Variants in EPHA5 observed in about 807,000 individuals in gnomAD.
EPHA5 encodes the protein ephrin type-A receptor 5.
In EPHA5, 60 loss-of-function variants were observed where a neutral mutation model predicts 105.0. The observed-to-expected ratio is 0.57, with a 90% CI of 0.46 to 0.71. EPHA5 has a LOEUF of 0.71. Among genes scored for constraint, EPHA5 ranks in the 30% least tolerant of loss-of-function variants. The probability of loss-of-function intolerance (pLI) is 0.00; values close to 1 mark genes in which losing one functional copy is unlikely to be tolerated. For synonymous variants in EPHA5, 513 were observed against 449.1 expected (o/e 1.14, Z -1.80); for missense variants, 1,218 against 1,274.7 (o/e 0.96, Z 0.68).
At chr4:65,387,743 T>C (rs1185256773) in intron 8 of EPHA5, among the ~76,000 whole-genome samples, 1 of 151,972 alleles carries the variant, frequency 6.6e-6, no homozygotes, top group Non-Finnish European at 1.5e-5. Flanking sequence ...ACAAAAAGCA[T>C]GGAAGTCATA....
chr4:65,411,697 T>C (rs1722924995), intron 7 of EPHA5, among the ~76,000 whole-genome samples: 1 of 152,106 alleles, frequency 6.6e-6, no homozygotes, highest in Admixed American at 6.6e-5. Flanking sequence ...AAGTAAATAA[T>C]TGCCCAGTAA....
chr4:65,490,819 G>T (rs1731332838), intron 4 of EPHA5, 107 bp from the exon 5 acceptor site: 1 of 1,120,782 alleles, frequency 8.9e-7, no homozygotes, highest in Non-Finnish European at 1.3e-6. Flanking sequence ...TTTGCAATAA[G>T]TCCTTTAAGT....
At chr4:65,548,092 G>A (rs1474610568) in intron 3 of EPHA5, among the ~76,000 whole-genome samples, 2 of 150,828 alleles carry the variant, frequency 1.3e-5, no homozygotes, top group Non-Finnish European at 3.0e-5. Flanking sequence ...ATAAAAGCCA[G>A]CCCCAAACAG....
At chr4:65,395,077 C>G (rs1002539718) in intron 8 of EPHA5, among the ~76,000 whole-genome samples, 2 of 152,108 alleles carry the variant, frequency 1.3e-5, no homozygotes, top group Admixed American at 6.6e-5. Context: ...AGAAAACTTT[C>G]TAAGTTCAAA....
chr4:65,652,029 C>A (rs953786628), intron 1 of EPHA5, among the ~76,000 whole-genome samples: 1 of 152,032 alleles, frequency 6.6e-6, no homozygotes, highest in Non-Finnish European at 1.5e-5. Flanking sequence ...GTATGCTAAC[C>A]AAACTTGTAT....
intron 3 of EPHA5, among the ~76,000 whole-genome samples, chr4:65,597,727 C>A (rs1409019143): frequency 6.6e-6 from 1 of 152,094 alleles, no homozygotes. Context: ...TTTGTTACCT[C>A]GTCAAAACCA....
chr4:65,351,620 A>G (rs896125276), intron 12 of EPHA5, 22 bp from the exon 13 acceptor site: 1 of 1,609,142 alleles, frequency 6.2e-7, no homozygotes, highest in Non-Finnish European at 8.5e-7. Context: ...ATGTAGAAAT[A>G]TTAGTCTAGC....
At chr4:65,467,852 G>A (rs1401753390) in intron 5 of EPHA5, among the ~76,000 whole-genome samples, 1 of 152,116 alleles carries the variant, frequency 6.6e-6, no homozygotes, top group Non-Finnish European at 1.5e-5. Flanking sequence ...AGTGAAGAGG[G>A]GGGCTGAAGA....
intron 8 of EPHA5, among the ~76,000 whole-genome samples, chr4:65,389,998 T>C (rs1720543279): frequency 6.6e-6 from 1 of 152,082 alleles, no homozygotes; most frequent in African/African-American, 2.4e-5. Flanking sequence ...AACTTTCAAC[T>C]ATATTTCTTG....
At chr4:65,606,768 T>C (rs866817162) in intron 2 of EPHA5, among the ~76,000 whole-genome samples, 13 of 152,312 alleles carry the variant, frequency 8.5e-5, no homozygotes, top group African/African-American at 3.1e-4. Flanking sequence ...GAATATAGCA[T>C]ATCGGTTCAA....
intron 2 of EPHA5, among the ~76,000 whole-genome samples, chr4:65,627,778 A>G (rs923844617): frequency 3.9e-5 from 6 of 152,180 alleles, no homozygotes; most frequent in Non-Finnish European, 8.8e-5. Context: ...CCCAACTAGG[A>G]CCACAGAAGT....
rs1743733124 is a variant in EPHA5 at position 65,601,635 on chromosome 4, T to C, written c.910+6A>G. On this transcript the variant is annotated splice_donor_region_variant and intron_variant, in intron 3 of 16. Transcript: ENST00000613740. ...AGCCCCTGCAGATCTGGAGGCAAAC[T>C]CTTACCTTGACAGGTGCCATTTTTC... is the stretch of plus-strand genomic sequence containing the variant. 6.2e-7 allele frequency: 1 copy of C among 1,611,202 alleles called. No homozygotes were observed. The highest frequency in any genetic ancestry group is 8.5e-7 in the Non-Finnish European group (1 of 1,177,832).
intron 3 of EPHA5, among the ~76,000 whole-genome samples, chr4:65,533,047 T>C (rs1054636759): frequency 6.6e-5 from 10 of 152,058 alleles, no homozygotes; most frequent in Non-Finnish European, 1.3e-4. Context: ...CAGTCAAACT[T>C]TCCATTAATA....
rs186372621 is a variant in EPHA5 at position 65,646,715 on chromosome 4, T to C, written c.182-3288A>G. ...ATCTATCAATGTACCAGATAAAGAATTGTGAAAGTAGAAATTTAACAGAAG... is the reference window on the plus strand; with the variant it reads ...ATCTATCAATGTACCAGATAAAGAACTGTGAAAGTAGAAATTTAACAGAAG... On this transcript the variant is annotated intron_variant, in intron 1 of 16. Transcript: ENST00000613740. Among the ~76,000 whole-genome samples, 289 of 152,282 alleles carry C rather than the reference T, an allele frequency of 1.9e-3. 3 individuals carry two copies. The highest frequency in any genetic ancestry group is 5.6e-4 in the Non-Finnish European group (38 of 68,008).
At chr4:65,377,102 T>C in intron 8 of EPHA5, 1 of 1,582,204 alleles carries the variant, frequency 6.3e-7, no homozygotes, top group Non-Finnish European at 8.6e-7. Context: ...AAGGAAGAGA[T>C]CCCACTCCCT....
chr4:65,396,811 C>T (rs1158784760), intron 8 of EPHA5, among the ~76,000 whole-genome samples: 2 of 152,094 alleles, frequency 1.3e-5, no homozygotes, highest in African/African-American at 4.8e-5. Flanking sequence ...TTCAAGCAGC[C>T]CCTGATATCA....
At chr4:65,459,951 C>T (rs1239709583) in intron 5 of EPHA5, among the ~76,000 whole-genome samples, 4 of 151,630 alleles carry the variant, frequency 2.6e-5, no homozygotes, top group African/African-American at 9.7e-5. Context: ...AAAATGTGTA[C>T]TAGTGCTAAT....
chr4:65,448,697 A>G (rs890651109), intron 5 of EPHA5, among the ~76,000 whole-genome samples: 2 of 152,102 alleles, frequency 1.3e-5, no homozygotes, highest in Non-Finnish European at 1.5e-5. Flanking sequence ...TTGTACTTAC[A>G]GTTATTTTGA....
At chr4:65,531,004 T>A (rs1735719494) in intron 3 of EPHA5, among the ~76,000 whole-genome samples, 1 of 103,758 alleles carries the variant, frequency 9.6e-6, no homozygotes, top group South Asian at 2.9e-4. Context: ...GGATTTTTTT[T>A]TATTTTTTTT....
Sources: gnomAD v4.1 joint callset for allele counts (sites outside exome capture counted in the v4.1 genomes callset) on GRCh38, gnomAD v4.1.1 for gene constraint, MANE v1.5 for transcripts, NCBI Gene and HGNC (gene_info 2026-07-23, HGNC 2026-07-21) for gene names.